CDH12: variants seen among roughly 807,000 people sequenced by gnomAD.
The protein encoded by CDH12 is cadherin-12.
A neutral mutation model predicts 74.1 loss-of-function variants in CDH12; 41 were observed. The ratio of observed to expected loss-of-function variants is 0.55; its 90% CI spans 0.43 to 0.72. The LOEUF is 0.72. Among genes scored for constraint, CDH12 ranks in the 30% least tolerant of loss-of-function variants. The probability of loss-of-function intolerance (pLI) is 0.00; values close to 1 mark genes in which losing one functional copy is unlikely to be tolerated. For synonymous variants in CDH12, 399 were observed against 355.0 expected, an observed-to-expected ratio of 1.12 and a Z score of -1.39; for missense variants, 945 against 977.2, an observed-to-expected ratio of 0.97 and a Z score of 0.44.
rs149995576 is a variant in CDH12, at chr5:22,792,238, G to A, written c.-523+60820C>T. ...CAAGTAGCTGGGATTACAGGTGCCCGCCATCACGCCCCACTAATTTTTCTA... is the reference window on the plus strand; with the variant it reads ...CAAGTAGCTGGGATTACAGGTGCCCACCATCACGCCCCACTAATTTTTCTA... On this transcript the variant is annotated intron_variant, in intron 1 of 14. Coordinates refer to ENST00000382254, the MANE Select transcript of CDH12 (RefSeq NM_004061.5). Among the ~76,000 whole-genome samples the A allele has an allele frequency of 7.9e-5, 12 of 151,922 alleles. No individual in the cohort carries two copies. The East Asian group carries it at 2.3e-3, about 30-fold the overall frequency.
chr5:21,899,065 A>G (rs1753262818), intron 6 of CDH12, among the ~76,000 whole-genome samples: 1 of 152,068 alleles, frequency 6.6e-6, no homozygotes, highest in African/African-American at 2.4e-5. Flanking sequence ...TCTCCTTCCC[A>G]CCTGGGGGTT....
At position 22,479,456 on chromosome 5, in the gene CDH12, C is replaced by T. The variant is rs1188898583; in HGVS notation, c.-428+25814G>A. Among the ~76,000 whole-genome samples the T allele has an allele frequency of 5.3e-5, 8 of 152,196 alleles. No homozygotes were observed. In the East Asian group the frequency reaches 9.6e-4, roughly 18 times the overall value. On this transcript the variant is annotated intron_variant, in intron 2 of 14. Coordinates refer to ENST00000382254, the MANE Select transcript of CDH12 (RefSeq NM_004061.5). The stretch of plus-strand genomic sequence containing the variant: ...TTAGACAAGTTTTGGAGCCTCGATG[C>T]ACTGCATAAGAATGTCCACAGAGAT...
rs1746027136 is a variant in CDH12, at chr5:21,783,448, C to T, written c.1303G>A (p.Asp435Asn). 1.2e-6 allele frequency: 2 copies of T among 1,606,364 alleles called. No homozygotes were observed. The highest frequency in any genetic ancestry group is 1.3e-5 in the African/African-American group (1 of 74,800). Reference sequence around the variant, plus strand: ...GTGGCGATGGTTCCTTCATTTCCATCTATTGTAAAGTAGCTGTCCCCATCA... The same window carrying T: ...GTGGCGATGGTTCCTTCATTTCCATTTATTGTAAAGTAGCTGTCCCCATCA... Reference protein sequence around the residue: ...KSDGDSYFTIDGNEGTIATNE... With the variant: ...KSDGDSYFTINGNEGTIATNE... Residue 435 changes from aspartate to asparagine, a missense_variant, in exon 11 of 15, where the codon GAT becomes AAT. This residue lies in a region of CDH12 where 791 missense variants were observed against 792.8 expected (regional missense o/e 1.00). Transcript: ENST00000382254.
chr5:21,923,838 G>T (rs1014854599), intron 6 of CDH12, among the ~76,000 whole-genome samples: 2 of 152,122 alleles, frequency 1.3e-5, no homozygotes, highest in Admixed American at 6.6e-5. Context: ...CTTTAGATCC[G>T]TTTTTTAAAA....
Position 22,739,929 on chromosome 5 carries a change from T to G in CDH12, c.-523+113129A>C, listed in dbSNP as rs75517719. 7.2e-3 allele frequency among the ~76,000 whole-genome samples: 1,100 copies of G among 152,232 alleles called. 12 individuals are homozygous for G. Among genetic ancestry groups the G allele is most frequent in the African/African-American group, 0.025 (1,049 of 41,562 alleles). ...TAAAATGGGGTACATTATGTTACTA[T>G]ACCTTGCTTGATGTAAGGCAGAATA... is the stretch of plus-strand genomic sequence containing the variant. On this transcript the variant is annotated intron_variant, in intron 1 of 14. Coordinates refer to ENST00000382254, the MANE Select transcript of CDH12 (RefSeq NM_004061.5).
intron 6 of CDH12, among the ~76,000 whole-genome samples, chr5:21,872,480 T>C (rs1008778775): frequency 2.6e-5 from 4 of 152,222 alleles, no homozygotes; most frequent in Admixed American, 1.3e-4. Flanking sequence ...GCCTTCTTTA[T>C]ACCTAATGTC....
intron 1 of CDH12, among the ~76,000 whole-genome samples, chr5:22,851,456 C>T (rs1206345421): frequency 1.3e-5 from 2 of 152,022 alleles, no homozygotes; most frequent in African/African-American, 2.4e-5. Context: ...AATGCCAGGG[C>T]TAATCTTGGA....
intron 1 of CDH12, among the ~76,000 whole-genome samples, chr5:22,747,473 A>C (rs994226128): frequency 2.0e-5 from 3 of 151,404 alleles, no homozygotes; most frequent in Admixed American, 2.0e-4. Flanking sequence ...AAAAAAAAAA[A>C]AACTACAAAA....
intron 2 of CDH12, among the ~76,000 whole-genome samples, chr5:22,498,906 T>C (rs1031031226): frequency 8.7e-5 from 12 of 138,454 alleles, no homozygotes; most frequent in South Asian, 7.1e-4. Flanking sequence ...TGTTTCTTTT[T>C]TTTTTTTTTT....
intron 1 of CDH12, among the ~76,000 whole-genome samples, chr5:22,692,111 G>C (rs1454136813): frequency 6.6e-6 from 1 of 152,142 alleles, no homozygotes; most frequent in Non-Finnish European, 1.5e-5. Context: ...AGTAGTAGCG[G>C]TGGTAATGAG....
At chr5:22,413,404 C>G (rs1743242565) in intron 2 of CDH12, among the ~76,000 whole-genome samples, 1 of 151,770 alleles carries the variant, frequency 6.6e-6, no homozygotes, top group African/African-American at 2.4e-5. Flanking sequence ...ATCAGAATAA[C>G]AACAAGAAAG....
chr5:22,840,271 C>A (rs1737025114), intron 1 of CDH12, among the ~76,000 whole-genome samples: 1 of 152,030 alleles, frequency 6.6e-6, no homozygotes, highest in Non-Finnish European at 1.5e-5. Flanking sequence ...CAGGTGCGAG[C>A]CACCATACCC....
intron 6 of CDH12, among the ~76,000 whole-genome samples, chr5:21,934,889 C>T (rs1317343896): frequency 6.6e-6 from 1 of 152,126 alleles, no homozygotes; most frequent in African/African-American, 2.4e-5. Flanking sequence ...CTAGTTCATG[C>T]CATTCTCCTG....
In CDH12 at chr5:21,861,807, T is replaced by A. The variant is rs146189113; in HGVS notation, c.527-7017A>T. On this transcript the variant is annotated intron_variant, in intron 6 of 14. Transcript: ENST00000382254. ...TTTACATTCCTATCAACAAGGTATA[T>A]TTTCTAACATTCTCATCAGCCCATA... Among the ~76,000 whole-genome samples, 668 of 152,138 alleles carry A rather than the reference T, an allele frequency of 4.4e-3. 4 individuals are homozygous for A. Among genetic ancestry groups the A allele is most frequent in the African/African-American group, 0.016 (649 of 41,544 alleles).
chr5:22,734,707 T>C (rs1580939852), intron 1 of CDH12, among the ~76,000 whole-genome samples: 1 of 151,974 alleles, frequency 6.6e-6, no homozygotes, highest in East Asian at 1.9e-4. Context: ...ATGAGTTGAA[T>C]TTCCCCCTCT....
At chr5:22,087,025 T>C (rs963508617) in intron 4 of CDH12, among the ~76,000 whole-genome samples, 1 of 152,110 alleles carries the variant, frequency 6.6e-6, no homozygotes, top group Non-Finnish European at 1.5e-5. Context: ...CTTCTTAAAA[T>C]GGTGAAAGTT....
chr5:22,645,032 A>G (rs747423059), intron 1 of CDH12, among the ~76,000 whole-genome samples: 6 of 152,116 alleles, frequency 3.9e-5, no homozygotes, highest in Non-Finnish European at 7.4e-5. Flanking sequence ...ACACAAGGAC[A>G]TTAATGCTGT....
At chr5:21,774,049 G>C (rs1009419877) in intron 11 of CDH12, among the ~76,000 whole-genome samples, 1 of 152,102 alleles carries the variant, frequency 6.6e-6, no homozygotes, top group African/African-American at 2.4e-5. Flanking sequence ...ACTTGTGATG[G>C]TTAATACTGA....
intron 6 of CDH12, among the ~76,000 whole-genome samples, chr5:21,947,216 T>C: frequency 1.3e-5 from 2 of 152,066 alleles, no homozygotes; most frequent in Non-Finnish European, 2.9e-5. Context: ...AACAGACTAA[T>C]AGAGTAAATT....
Sources: gnomAD v4.1 joint callset for allele counts (sites outside exome capture counted in the v4.1 genomes callset) on GRCh38, gnomAD v4.1.1 for gene constraint, gnomAD v4.1.1 regional missense constraint, MANE v1.5 for transcripts, NCBI Gene and HGNC (gene_info 2026-07-23, HGNC 2026-07-21) for gene names.